Variants in SAMMSON observed in about 807,000 individuals in gnomAD.
SAMMSON encodes the protein long intergenic non-protein coding RNA 1212.
chr3:70,351,068 T>C (rs369695136), intron 7 of SAMMSON, among the ~76,000 whole-genome samples: 1 of 152,300 alleles, frequency 6.6e-6, no homozygotes. Context: ...ATGAGTAGTT[T>C]GTGAAACCCC....
chr3:70,049,869 G>T (rs767575944), intron 3 of SAMMSON, among the ~76,000 whole-genome samples: 1 of 152,008 alleles, frequency 6.6e-6, no homozygotes, highest in Non-Finnish European at 1.5e-5. Flanking sequence ...TGTGGAAAGA[G>T]CACAGTTTGT....
At chr3:70,346,467 T>A (rs1177086243) in intron 7 of SAMMSON, among the ~76,000 whole-genome samples, 4 of 152,094 alleles carry the variant, frequency 2.6e-5, no homozygotes, top group African/African-American at 7.2e-5. Flanking sequence ...GGTTAAGGTC[T>A]GGGTTTAGGT....
chr3:70,299,848 T>C (rs1232752637), intron 7 of SAMMSON, among the ~76,000 whole-genome samples: 1 of 152,114 alleles, frequency 6.6e-6, no homozygotes, highest in South Asian at 2.1e-4. Context: ...CTTTGTTTAA[T>C]AACATTCAGT....
At chr3:70,077,982 C>T (rs1043236090) in intron 4 of SAMMSON, among the ~76,000 whole-genome samples, 1 of 152,140 alleles carries the variant, frequency 6.6e-6, no homozygotes, top group African/African-American at 2.4e-5. Flanking sequence ...CTTGGCATTC[C>T]TTGACCCCGT....
At chr3:70,317,695 A>G (rs558345889) in intron 7 of SAMMSON, among the ~76,000 whole-genome samples, 5 of 151,632 alleles carry the variant, frequency 3.3e-5, no homozygotes, top group African/African-American at 1.2e-4. Flanking sequence ...ATAAATTAGG[A>G]GGAAAAAAAT....
rs148558803 is a variant in SAMMSON at position 70,351,240 on chromosome 3, A to T, written n.740-2935A>T. ...CAAAAACAAAAGGAAGGATTCTAAG[A>T]AAAAGTAAGTTGATACTTAAGGGAT... On this transcript the variant is annotated intron_variant and non_coding_transcript_variant, in intron 7 of 9. Transcript: ENST00000642114. Among the ~76,000 whole-genome samples, 33 of 152,250 alleles carry T rather than the reference A, an allele frequency of 2.2e-4. No individual in the cohort carries two copies. In the East Asian group the frequency reaches 6.4e-3, roughly 29 times the overall value.
chr3:70,320,391 G>C (rs1335085978), intron 7 of SAMMSON, among the ~76,000 whole-genome samples: 1 of 152,040 alleles, frequency 6.6e-6, no homozygotes, highest in East Asian at 1.9e-4. Flanking sequence ...TTTTAAGCTA[G>C]AAAAGACTGA....
At chr3:70,394,419 T>G (rs1429515573), downstream of SAMMSON, among the ~76,000 whole-genome samples, 1 of 152,118 alleles carries the variant, frequency 6.6e-6, no homozygotes, top group Non-Finnish European at 1.5e-5. Flanking sequence ...TGTCCCTATA[T>G]GCACTTACTG....
At chr3:70,382,967 T>C (rs1330934682) in intron 9 of SAMMSON, among the ~76,000 whole-genome samples, 1 of 152,100 alleles carries the variant, frequency 6.6e-6, no homozygotes, top group Non-Finnish European at 1.5e-5. Context: ...TTTTGCATAT[T>C]GGTTTGTTTT....
At chr3:70,321,570 G>A (rs547743704) in intron 7 of SAMMSON, among the ~76,000 whole-genome samples, 2 of 151,974 alleles carry the variant, frequency 1.3e-5, no homozygotes, top group East Asian at 3.9e-4. Flanking sequence ...GTAATTTTAT[G>A]TTTTTATGGT....
chr3:70,190,808 C>T (rs2106711541), intron 4 of SAMMSON, among the ~76,000 whole-genome samples: 1 of 152,282 alleles, frequency 6.6e-6, no homozygotes, highest in South Asian at 2.1e-4. Context: ...ATACCATCTT[C>T]ACCTCACCTC....
intron 7 of SAMMSON, among the ~76,000 whole-genome samples, chr3:70,295,701 TAAAC>T (rs1034025110): frequency 5.0e-4 from 76 of 152,258 alleles, no homozygotes; most frequent in African/African-American, 1.8e-3. Flanking sequence ...CAAAAATAAA[TAAAC>T]AAATAAATAT....
intron 4 of SAMMSON, among the ~76,000 whole-genome samples, chr3:70,113,652 C>A (rs1184561832): frequency 6.6e-6 from 1 of 152,186 alleles, no homozygotes; most frequent in Middle Eastern, 3.2e-3. Context: ...ATTTGGTACA[C>A]TGACATGTCG....
intron 6 of SAMMSON, among the ~76,000 whole-genome samples, chr3:70,255,397 A>G (rs1701806676): frequency 6.6e-6 from 1 of 152,132 alleles, no homozygotes; most frequent in South Asian, 2.1e-4. Context: ...TAGATATGGA[A>G]TAAGCATTTT....
intron 4 of SAMMSON, among the ~76,000 whole-genome samples, chr3:70,235,649 C>T (rs1701599796): frequency 6.6e-6 from 1 of 152,164 alleles, no homozygotes. Flanking sequence ...TCTATGACCC[C>T]TTTGCTGACC....
intron 4 of SAMMSON, among the ~76,000 whole-genome samples, chr3:70,234,227 G>C (rs1045072041): frequency 2.6e-5 from 4 of 152,120 alleles, no homozygotes; most frequent in African/African-American, 9.7e-5. Flanking sequence ...TTAGAGGGCT[G>C]GGTTGACACC....
At chr3:70,286,825 C>T (rs530436840) in intron 6 of SAMMSON, among the ~76,000 whole-genome samples, 39 of 152,112 alleles carry the variant, frequency 2.6e-4, no homozygotes, top group Admixed American at 2.0e-3. Context: ...GAAGCAATTG[C>T]GAATGAGAGT....
chr3:70,084,742 C>T (rs2067279509), intron 4 of SAMMSON: 1 of 152,136 alleles, frequency 6.6e-6, no homozygotes, highest in Non-Finnish European at 1.5e-5. Context: ...GCAGCAACTA[C>T]AAAAAGAGAC....
chr3:70,041,601 A>G (rs1014745921), intron 3 of SAMMSON, among the ~76,000 whole-genome samples: 2 of 152,092 alleles, frequency 1.3e-5, no homozygotes, highest in Non-Finnish European at 2.9e-5. Context: ...TGTGGATTCG[A>G]GCAACCACAG....
Sources: allele counts gnomAD v4.1 joint callset (sites outside exome capture counted in the v4.1 genomes callset), GRCh38; gene constraint gnomAD v4.1.1; transcripts MANE v1.5; gene names NCBI Gene and HGNC (gene_info 2026-07-23, HGNC 2026-07-21).